The following LRRC37A2 variants were observed in gnomAD, a reference collection of about 807,000 sequenced individuals.
LRRC37A2 encodes leucine rich repeat containing 37 member A2.
LRRC37A2 carries 9 observed loss-of-function variants against 68.8 expected under a neutral mutation model. The observed-to-expected ratio is 0.13, with a 90% CI of 0.08 to 0.23. The LOEUF (loss-of-function observed/expected upper bound fraction) is 0.23. Ranked by LOEUF, LRRC37A2 falls within the 10% of genes least tolerant of loss-of-function variation. LRRC37A2 has a pLI of 1.00. For synonymous variants in LRRC37A2, 63 were observed against 367.6 expected (o/e 0.17, Z 9.48); for missense variants, 168 against 950.4 (o/e 0.18, Z 10.82).
chr17:46,874,842 T>G, the LRRC37A2 span: 1 of 606,142 alleles, frequency 1.6e-6, no homozygotes, highest in Admixed American at 2.8e-5. Flanking sequence ...CCTCCTAAAG[T>G]GCTGGGATTA....
At chr17:46,802,531 G>C in the LRRC37A2 span, among the ~76,000 whole-genome samples, 1 of 152,184 alleles carries the variant, frequency 6.6e-6, no homozygotes, top group African/African-American at 2.4e-5. Context: ...GCCTCCCAAA[G>C]TGCTGGGATT....
chr17:46,861,160 C>A, the LRRC37A2 span, among the ~76,000 whole-genome samples: 1 of 152,270 alleles, frequency 6.6e-6, no homozygotes, highest in African/African-American at 2.4e-5. Flanking sequence ...TCCCTCTGAG[C>A]CCCGACCCTG....
chr17:46,392,369 G>C, the LRRC37A2 span, among the ~76,000 whole-genome samples: 2 of 70,236 alleles, frequency 2.8e-5, 1 homozygote, highest in East Asian at 6.3e-4. Flanking sequence ...CACCAAGCCA[G>C]GCTAATTTAT....
At chr17:46,736,405 C>T in the LRRC37A2 span, among the ~76,000 whole-genome samples, 2 of 152,164 alleles carry the variant, frequency 1.3e-5, no homozygotes, top group African/African-American at 2.4e-5. Flanking sequence ...TCTTTCCTAC[C>T]TTTCTGTCCC....
the LRRC37A2 span, among the ~76,000 whole-genome samples, chr17:46,843,890 G>A: frequency 6.6e-6 from 1 of 152,148 alleles, no homozygotes; most frequent in Non-Finnish European, 1.5e-5. Context: ...TCCTATTCCA[G>A]GGTTTAGCAC....
At chr17:46,498,745 A>G in the LRRC37A2 span, among the ~76,000 whole-genome samples, 3 of 146,956 alleles carry the variant, frequency 2.0e-5, no homozygotes, top group Non-Finnish European at 4.4e-5. Flanking sequence ...CTTCAGAGAT[A>G]AAGAGCAGCA....
At chr17:46,744,806 A>G in the LRRC37A2 span, among the ~76,000 whole-genome samples, 1 of 152,164 alleles carries the variant, frequency 6.6e-6, no homozygotes, top group African/African-American at 2.4e-5. Flanking sequence ...TTGAAGGATC[A>G]ACACCTGACT....
At chr17:46,525,404 A>G (rs1204856411) in intron 6 of LRRC37A2, among the ~76,000 whole-genome samples, 8 of 108,276 alleles carry the variant, frequency 7.4e-5, no homozygotes, top group Non-Finnish European at 1.2e-4. Flanking sequence ...CCTGACCAAC[A>G]TGGTGAAACC....
chr17:46,796,166 G>T, the LRRC37A2 span, among the ~76,000 whole-genome samples: 9 of 152,198 alleles, frequency 5.9e-5, no homozygotes, highest in African/African-American at 1.4e-4. Context: ...TCCTTGGGAG[G>T]ACTCAACTTC....
the LRRC37A2 span, chr17:46,967,025 G>A: frequency 4.7e-6 from 1 of 211,266 alleles, no homozygotes; most frequent in African/African-American, 2.3e-5. Context: ...TGAAAGCAGG[G>A]CTGTGTGTCC....
At chr17:46,994,732 T>C in the LRRC37A2 span, among the ~76,000 whole-genome samples, 5 of 152,088 alleles carry the variant, frequency 3.3e-5, no homozygotes, top group Non-Finnish European at 7.3e-5. Context: ...CCTCTGAGTC[T>C]GTGCCTGTCC....
the LRRC37A2 span, among the ~76,000 whole-genome samples, chr17:46,888,059 T>C: frequency 6.6e-6 from 1 of 152,166 alleles, no homozygotes; most frequent in Non-Finnish European, 1.5e-5. Context: ...TTCTGAACCA[T>C]GTGAATGTAT....
the LRRC37A2 span, among the ~76,000 whole-genome samples, chr17:47,000,106 TAAAATA>T: frequency 1.5e-5 from 2 of 133,906 alleles, no homozygotes; most frequent in African/African-American, 5.2e-5. Flanking sequence ...TAAAATAAAA[TAAAATA>T]AAATAAAATA....
the LRRC37A2 span, chr17:46,940,169 A>T: frequency 2.2e-6 from 3 of 1,337,254 alleles, no homozygotes; most frequent in Non-Finnish European, 2.9e-6. Flanking sequence ...CCTTTCAGGC[A>T]CCTCTGTGGC....
At position 46,548,731 on chromosome 17, in the gene LRRC37A2, G is replaced by C. The variant is rs371330917; in HGVS notation, c.3592G>C (p.Glu1198Gln). 647 of 1,609,990 alleles carry C rather than the reference G, an allele frequency of 4.0e-4. No homozygotes were observed. Among genetic ancestry groups the C allele is most frequent in the Non-Finnish European group, 5.3e-4 (626 of 1,179,570 alleles). Reference sequence around the variant, plus strand: ...GGAACAGGGTGCCCAGGCATCTGTGGAGAACGCTGCCGAAGAAAAAAGGCT... The same window carrying C: ...GGAACAGGGTGCCCAGGCATCTGTGCAGAACGCTGCCGAAGAAAAAAGGCT... Residue 1198 changes from glutamate (E) to glutamine (Q), a missense_variant, in exon 10 of 15, where the codon GAG (glutamate) becomes CAG (glutamine). Physicochemically the swap from Glu to Gln is conservative, Grantham distance 29. Coordinates refer to ENST00000576629, the Ensembl canonical transcript of LRRC37A2.
chr17:46,390,282 G>A, the LRRC37A2 span, among the ~76,000 whole-genome samples: 1 of 85,990 alleles, frequency 1.2e-5, no homozygotes, highest in African/African-American at 3.3e-5. Flanking sequence ...TAGTTGGGGT[G>A]GGGGAAGCGC....
the LRRC37A2 span, among the ~76,000 whole-genome samples, chr17:46,849,849 C>CTTTTTTT: frequency 4.1e-5 from 6 of 145,750 alleles, 1 homozygote; most frequent in African/African-American, 2.6e-5. Flanking sequence ...CATTTAATAT[C>CTTTTTTT]TTTTTTTTTT....
At chr17:47,023,003 A>G in the LRRC37A2 span, among the ~76,000 whole-genome samples, 1 of 152,336 alleles carries the variant, frequency 6.6e-6, no homozygotes, top group Middle Eastern at 3.4e-3. Context: ...TTTTGTGCCA[A>G]CTTACTCTAT....
At chr17:46,502,898 G>C in the LRRC37A2 span, among the ~76,000 whole-genome samples, 2 of 150,652 alleles carry the variant, frequency 1.3e-5, no homozygotes, top group Admixed American at 1.3e-4. Flanking sequence ...TGGTCTCCGT[G>C]GTAGCACTCA....
Sources: gnomAD v4.1 joint callset for allele counts (sites outside exome capture counted in the v4.1 genomes callset) on GRCh38, gnomAD v4.1.1 for gene constraint, MANE v1.5 for transcripts, NCBI Gene and HGNC (gene_info 2026-07-23, HGNC 2026-07-21) for gene names.